Variants in SEL1L2 observed in about 807,000 individuals in gnomAD.
The protein encoded by SEL1L2 is SEL1L2 adaptor subunit of SYVN1 ubiquitin ligase.
In SEL1L2, 89 loss-of-function variants were observed where a neutral mutation model predicts 98.8. The ratio of observed to expected loss-of-function variants is 0.90; its 90% CI spans 0.76 to 1.07. The LOEUF (loss-of-function observed/expected upper bound fraction) is 1.07. Among genes scored for constraint, SEL1L2 ranks in the 50% least tolerant of loss-of-function variants. SEL1L2 has a pLI of 0.00. For synonymous variants in SEL1L2, 262 were observed against 278.5 expected (o/e 0.94, Z 0.59); for missense variants, 788 against 812.0 (o/e 0.97, Z 0.36).
chr20:13,885,792 T>C (rs1490677089), intron 9 of SEL1L2, among the ~76,000 whole-genome samples: 2 of 152,156 alleles, frequency 1.3e-5, no homozygotes, highest in African/African-American at 4.8e-5. Context: ...TCCCAGCACT[T>C]TGGGAGGCCG....
At chr20:13,993,010 A>C (rs544896115), upstream of SEL1L2, among the ~76,000 whole-genome samples, 37 of 152,308 alleles carry the variant, frequency 2.4e-4, no homozygotes, top group Middle Eastern at 0.014. Flanking sequence ...GGGTGCACGT[A>C]AGTCAGTCCA....
At chr20:13,887,660 G>T in intron 8 of SEL1L2, 109 bp downstream of exon 8, 1 of 704,986 alleles carries the variant, frequency 1.4e-6, no homozygotes, top group Non-Finnish European at 2.4e-6. Flanking sequence ...TATTAAAAAC[G>T]TACACTTTTG....
intron 3 of SEL1L2, among the ~76,000 whole-genome samples, chr20:13,925,268 G>T (rs1359003086): frequency 6.6e-6 from 1 of 152,206 alleles, no homozygotes; most frequent in Non-Finnish European, 1.5e-5. Flanking sequence ...TTTCTCTAGA[G>T]TGAGTTTCTG....
intron 5 of SEL1L2, among the ~76,000 whole-genome samples, chr20:13,893,381 G>A (rs1425762446): frequency 6.6e-6 from 1 of 152,116 alleles, no homozygotes; most frequent in African/African-American, 2.4e-5. Flanking sequence ...TTATATCAGA[G>A]AAAACTGACT....
chr20:13,888,640 T>A, intron 5 of SEL1L2, 128 bp from the exon 6 acceptor site: 1 of 462,112 alleles, frequency 2.2e-6, no homozygotes, highest in Non-Finnish European at 3.7e-6. Flanking sequence ...TTTCTCTTTT[T>A]TTTTTTTTTT....
intron 18 of SEL1L2, among the ~76,000 whole-genome samples, chr20:13,853,493 C>T (rs778090547): frequency 7.2e-5 from 11 of 152,042 alleles, no homozygotes; most frequent in East Asian, 1.9e-4. Context: ...GGATTACAGG[C>T]GTGAGCCACT....
At chr20:13,942,865 T>G (rs571996546) in intron 2 of SEL1L2, among the ~76,000 whole-genome samples, 42 of 152,222 alleles carry the variant, frequency 2.8e-4, no homozygotes, top group Non-Finnish European at 5.3e-4. Context: ...AATAAGAGTT[T>G]ATGAGATGTT....
intron 1 of SEL1L2, among the ~76,000 whole-genome samples, chr20:13,962,947 A>G (rs1284049818): frequency 1.3e-5 from 2 of 151,788 alleles, no homozygotes; most frequent in Non-Finnish European, 2.9e-5. Flanking sequence ...TGCACCTATA[A>G]TCCCAGCTAC....
chr20:13,967,454 G>T lies in SEL1L2; in HGVS notation c.59-11323C>A, dbSNP rs139168043. Reference sequence around the variant, plus strand: ...AGAAAGAAGAAAAAATATTTAAAAGGCACAGATACAGTCCTATATACACTG... The same window carrying T: ...AGAAAGAAGAAAAAATATTTAAAAGTCACAGATACAGTCCTATATACACTG... On this transcript the variant is annotated intron_variant, in intron 1 of 19. Coordinates refer to ENST00000284951, the MANE Select transcript of SEL1L2 (RefSeq NM_025229.2). Among the ~76,000 whole-genome samples, 5 of 152,194 alleles carry T rather than the reference G, an allele frequency of 3.3e-5. No homozygotes were observed. The East Asian group carries it at 9.7e-4, about 29-fold the overall frequency.
rs1484441486 is a variant in SEL1L2, at chr20:13,886,436, T to G, written c.752A>C (p.Asp251Ala). ...YYKKVADYIADTFEKSEGVPV... is the reference protein window; with the variant it reads ...YYKKVADYIAATFEKSEGVPV... ...AACACCTTCACTTTTTTCAAATGTG[T>G]CAGCAACTGTGAATAAAAACAAGCC... The change falls in exon 9 of 20, where the codon GAC (aspartate) becomes GCC (alanine). Residue 251 changes from aspartate (D) to alanine (A), a missense_variant. By Grantham distance (126) the Asp-to-Ala change is moderately radical (BLOSUM62 -2). Coordinates refer to ENST00000284951, the MANE Select transcript of SEL1L2 (RefSeq NM_025229.2). The G allele has an allele frequency of 6.2e-7, 1 of 1,613,164 alleles. No individual in the cohort carries two copies. Among genetic ancestry groups the G allele is most frequent in the Admixed American group, 1.7e-5 (1 of 59,892 alleles).
chr20:13,942,564 G>T (rs555904412), intron 2 of SEL1L2, among the ~76,000 whole-genome samples: 1 of 152,126 alleles, frequency 6.6e-6, no homozygotes, highest in South Asian at 2.1e-4. Flanking sequence ...AAGAACCCCT[G>T]CCCTAGGTAA....
chr20:13,945,812 T>G (rs879304413), intron 2 of SEL1L2, among the ~76,000 whole-genome samples: 6 of 152,074 alleles, frequency 3.9e-5, no homozygotes, highest in Non-Finnish European at 5.9e-5. Context: ...TATGTCACAT[T>G]AACAAAATGA....
In SEL1L2 at chr20:13,876,052, T is replaced by C. The variant is rs780780275; in HGVS notation, c.1090A>G (p.Met364Val). Residue 364 changes from methionine (M) to valine (V), a missense_variant, in exon 12 of 20, where the codon ATG becomes GTG. Transcript: ENST00000284951. ...NNATAFKYFS[M>V]AASKGNAIGL... ...TGAGGACATACCTTACTGGCTGCCA[T>C]GGAAAAGTACTTGAAGGCAGTAGCG... is the stretch of plus-strand genomic sequence containing the variant. 6.8e-6 allele frequency: 11 copies of C among 1,613,534 alleles called. No individual in the cohort carries two copies. In the East Asian group the frequency reaches 2.0e-4, roughly 29 times the overall value.
intron 5 of SEL1L2, among the ~76,000 whole-genome samples, chr20:13,903,223 A>T (rs2047763611): frequency 6.6e-6 from 1 of 151,988 alleles, no homozygotes; most frequent in Admixed American, 6.6e-5. Context: ...ATGACTCTAG[A>T]TAAATTGCTA....
At chr20:13,973,279 A>G (rs2051367952) in intron 1 of SEL1L2, 1 of 152,210 alleles carries the variant, frequency 6.6e-6, no homozygotes, top group African/African-American at 2.4e-5. Flanking sequence ...ATATTATGGT[A>G]TTTTATGTTT....
chr20:13,939,479 C>T (rs1235522020), intron 2 of SEL1L2, among the ~76,000 whole-genome samples: 2 of 152,040 alleles, frequency 1.3e-5, no homozygotes, highest in Non-Finnish European at 2.9e-5. Flanking sequence ...TATCCTAGGC[C>T]CCTGTGGCTG....
At chr20:13,893,139 C>G (rs2047274447) in intron 5 of SEL1L2, among the ~76,000 whole-genome samples, 1 of 152,210 alleles carries the variant, frequency 6.6e-6, no homozygotes, top group Non-Finnish European at 1.5e-5. Flanking sequence ...AATCAAGACT[C>G]TGTTCCCCAC....
intron 3 of SEL1L2, 42 bp downstream of exon 3, chr20:13,931,561 G>A (rs373238510): frequency 9.3e-4 from 1,079 of 1,157,922 alleles, no homozygotes; most frequent in Non-Finnish European, 1.1e-3. Flanking sequence ...TATATTGCAT[G>A]TAGTCATTTT....
chr20:13,976,083 C>T (rs959895529), intron 1 of SEL1L2, among the ~76,000 whole-genome samples: 1 of 152,054 alleles, frequency 6.6e-6, no homozygotes, highest in African/African-American at 2.4e-5. Context: ...CTCACTGCAA[C>T]CTTTGCCTCC....
Sources: gnomAD v4.1 joint callset for allele counts (sites outside exome capture counted in the v4.1 genomes callset) on GRCh38, gnomAD v4.1.1 for gene constraint, MANE v1.5 for transcripts, NCBI Gene and HGNC (gene_info 2026-07-23, HGNC 2026-07-21) for gene names.